Variants in CTNNA2 observed in about 807,000 individuals in gnomAD.
CTNNA2 encodes the protein catenin alpha 2.
Under a neutral mutation model 101.0 loss-of-function variants are expected in CTNNA2, and 42 were observed. The observed-to-expected ratio is 0.42, with a 90% CI of 0.32 to 0.54. The LOEUF (loss-of-function observed/expected upper bound fraction) is 0.54. Ranked by LOEUF, CTNNA2 falls within the 20% of genes least tolerant of loss-of-function variation. The pLI is 0.14. For synonymous variants in CTNNA2, 450 were observed against 456.4 expected (o/e 0.99, Z 0.18); for missense variants, 871 against 1,223.1 (o/e 0.71, Z 4.29).
chr2:80,337,832 TGCA>T (rs1476803867), intron 7 of CTNNA2, among the ~76,000 whole-genome samples: 2 of 152,174 alleles, frequency 1.3e-5, no homozygotes, highest in African/African-American at 2.4e-5. Flanking sequence ...GAGGACTTGC[TGCA>T]GCCCCTTATA....
At chr2:80,484,598 G>A (rs1686403731) in intron 9 of CTNNA2, among the ~76,000 whole-genome samples, 2 of 152,302 alleles carry the variant, frequency 1.3e-5, no homozygotes, top group African/African-American at 2.4e-5. Context: ...ATGCAAACCT[G>A]AGAAATTGCT....
chr2:80,481,324 C>G (rs890716844), intron 9 of CTNNA2, among the ~76,000 whole-genome samples: 2 of 152,068 alleles, frequency 1.3e-5, no homozygotes, highest in Non-Finnish European at 1.5e-5. Flanking sequence ...TATACATTGA[C>G]TTAACACCCC....
chr2:79,306,045 C>CAAAA (rs60219150), intron 2 of CTNNA2, among the ~76,000 whole-genome samples: 33 of 80,138 alleles, frequency 4.1e-4, no homozygotes, highest in Non-Finnish European at 7.1e-4. Flanking sequence ...GACACCATTT[C>CAAAA]AAAAAAAAAA....
chr2:79,344,473 A>G (rs184713495), intron 3 of CTNNA2, among the ~76,000 whole-genome samples: 96 of 152,182 alleles, frequency 6.3e-4, no homozygotes, highest in Non-Finnish European at 1.0e-3. Context: ...GAAAAGTTTC[A>G]CATAATAGGT....
intron 18 of CTNNA2, among the ~76,000 whole-genome samples, chr2:80,641,825 T>G (rs1166762767): frequency 6.6e-6 from 1 of 152,160 alleles, no homozygotes; most frequent in Non-Finnish European, 1.5e-5. Flanking sequence ...AAGGTCTTAT[T>G]CTGAGAAATT....
intron 7 of CTNNA2, among the ~76,000 whole-genome samples, chr2:80,003,718 G>A (rs954413383): frequency 1.3e-5 from 2 of 152,156 alleles, no homozygotes; most frequent in South Asian, 2.1e-4. Context: ...CTCTGCCCAC[G>A]CTGGTTGGTC....
At chr2:79,831,982 C>T (rs1370853365) in intron 3 of CTNNA2, among the ~76,000 whole-genome samples, 1 of 152,000 alleles carries the variant, frequency 6.6e-6, no homozygotes, top group Non-Finnish European at 1.5e-5. Context: ...GCATATGAAA[C>T]CACATTGTAG....
chr2:79,678,474 G>A (rs557860043), intron 2 of CTNNA2, among the ~76,000 whole-genome samples: 12 of 151,202 alleles, frequency 7.9e-5, no homozygotes, highest in African/African-American at 2.7e-4. Context: ...GGTGGAGGTT[G>A]CAGTTAGCCA....
At chr2:79,902,228 G>A (rs887969451) in intron 6 of CTNNA2, among the ~76,000 whole-genome samples, 1 of 152,128 alleles carries the variant, frequency 6.6e-6, no homozygotes, top group African/African-American at 2.4e-5. Flanking sequence ...AAGGATACAT[G>A]AGGTAAACAA....
At chr2:80,496,209 C>T (rs1687452542) in intron 9 of CTNNA2, among the ~76,000 whole-genome samples, 1 of 152,146 alleles carries the variant, frequency 6.6e-6, no homozygotes, top group African/African-American at 2.4e-5. Context: ...TTGTTTTAAG[C>T]CACCTAGTGC....
intron 7 of CTNNA2, among the ~76,000 whole-genome samples, chr2:80,131,026 T>C (rs984862200): frequency 6.6e-6 from 1 of 152,096 alleles, no homozygotes; most frequent in South Asian, 2.1e-4. Flanking sequence ...GTTCATTTTA[T>C]TGTACCAATG....
In CTNNA2 at chr2:79,996,369, G is replaced by T. The variant is rs77465999; in HGVS notation, c.1056+86572G>T. 2.3e-3 allele frequency among the ~76,000 whole-genome samples: 354 copies of T among 152,180 alleles called. 2 individuals are homozygous for T. Among genetic ancestry groups the T allele is most frequent in the African/African-American group, 8.3e-3 (343 of 41,518 alleles). ...TCCTCTCTATAAAGAATTGCCTTCCGCACTGACTGAGTGAGAAAATTCAAC... is the reference window on the plus strand; with the variant it reads ...TCCTCTCTATAAAGAATTGCCTTCCTCACTGACTGAGTGAGAAAATTCAAC... On this transcript the variant is annotated intron_variant, in intron 7 of 18. Transcript: ENST00000402739.
intron 9 of CTNNA2, among the ~76,000 whole-genome samples, chr2:80,487,098 T>C (rs931298704): frequency 1.3e-4 from 20 of 151,762 alleles, no homozygotes; most frequent in Non-Finnish European, 1.9e-4. Flanking sequence ...AGCGTGACCT[T>C]TACCAAACCC....
intron 1 of CTNNA2, among the ~76,000 whole-genome samples, chr2:79,528,352 T>C (rs1672543966): frequency 6.6e-6 from 1 of 151,940 alleles, no homozygotes; most frequent in South Asian, 2.1e-4. Context: ...GCTGGGATTA[T>C]AGGGGTATGC....
At chr2:79,751,099 G>T (rs1672004196) in intron 3 of CTNNA2, among the ~76,000 whole-genome samples, 1 of 152,122 alleles carries the variant, frequency 6.6e-6, no homozygotes, top group African/African-American at 2.4e-5. Context: ...AAATTAACAA[G>T]AAGGAGGTAA....
At chr2:80,337,210 C>T (rs1310708544) in intron 7 of CTNNA2, among the ~76,000 whole-genome samples, 1 of 152,036 alleles carries the variant, frequency 6.6e-6, no homozygotes, top group Non-Finnish European at 1.5e-5. Flanking sequence ...AAAACATTAG[C>T]CGGGTGTGGT....
At chr2:80,514,895 G>T (rs981446181) in intron 9 of CTNNA2, among the ~76,000 whole-genome samples, 5 of 152,114 alleles carry the variant, frequency 3.3e-5, no homozygotes, top group Non-Finnish European at 7.3e-5. Flanking sequence ...GAGAGAGAGG[G>T]CACACAGGGA....
intron 4 of CTNNA2, among the ~76,000 whole-genome samples, chr2:79,426,538 T>C (rs1029593273): frequency 1.3e-5 from 2 of 152,150 alleles, no homozygotes; most frequent in African/African-American, 4.8e-5. Context: ...AAAATTGTAG[T>C]GCCAGATGGC....
At chr2:80,263,485 C>A (rs1672771585) in intron 7 of CTNNA2, among the ~76,000 whole-genome samples, 1 of 152,126 alleles carries the variant, frequency 6.6e-6, no homozygotes, top group Non-Finnish European at 1.5e-5. Flanking sequence ...CAGGCACGTG[C>A]CACCATGCCT....
Sources: allele counts gnomAD v4.1 joint callset (sites outside exome capture counted in the v4.1 genomes callset), GRCh38; gene constraint gnomAD v4.1.1; transcripts MANE v1.5; gene names NCBI Gene and HGNC (gene_info 2026-07-23, HGNC 2026-07-21).